Variants in TTC6 observed in about 807,000 individuals in gnomAD.
The protein encoded by TTC6 is tetratricopeptide repeat domain 6.
In TTC6, 172 loss-of-function variants were observed where a neutral mutation model predicts 210.4. That is an observed-to-expected ratio of 0.82 (90% CI 0.72 to 0.93). The LOEUF is 0.93. Ranked by LOEUF, TTC6 falls within the 40% of genes least tolerant of loss-of-function variation. The pLI, the probability that TTC6 is intolerant of heterozygous loss-of-function variation, is 0.00. For missense variants in TTC6, 2,414 were observed against 2,318.1 expected (o/e 1.04, Z -0.85); for synonymous variants, 804 against 819.6 (o/e 0.98, Z 0.32).
chr14:37,796,693 TA>T, intron 19 of TTC6, 93 bp from the exon 22 acceptor site: 1 of 1,195,964 alleles, frequency 8.4e-7, no homozygotes, highest in Non-Finnish European at 1.2e-6. Context: ...ATTCATATTA[TA>T]AAGACAAATT....
intron 3 of TTC6, among the ~76,000 whole-genome samples, chr14:37,691,221 T>G (rs990837517): frequency 2.0e-5 from 3 of 151,976 alleles, no homozygotes; most frequent in Admixed American, 2.0e-4. Flanking sequence ...TTCCAGCTAC[T>G]CGGGAGGCTG....
chr14:37,753,478 C>A (rs2139050068), intron 14 of TTC6, among the ~76,000 whole-genome samples: 1 of 152,310 alleles, frequency 6.6e-6, no homozygotes, highest in Middle Eastern at 3.4e-3. Context: ...TTATCAATTT[C>A]TAAAGCATTG....
chr14:37,614,400 G>A (rs921324534), intron 2 of TTC6, among the ~76,000 whole-genome samples: 1 of 152,060 alleles, frequency 6.6e-6, no homozygotes, highest in African/African-American at 2.4e-5. Context: ...TTTTGGTTCT[G>A]GTTGTCATAT....
At chr14:37,749,825 T>C in exon 12 of TTC6, 2 of 1,407,932 alleles carry the variant, frequency 1.4e-6, no homozygotes, top group African/African-American at 2.9e-5. Context: ...TATACATAAA[T>C]ATAATAAAAA....
chr14:37,689,521 A>C (rs2095799853), intron 3 of TTC6, among the ~76,000 whole-genome samples: 2 of 152,138 alleles, frequency 1.3e-5, no homozygotes, highest in African/African-American at 4.8e-5. Context: ...CAAGACATTT[A>C]ATAATTAAAT....
chr14:37,622,154 A>G (rs2095652105), exon 1 of TTC6: 2 of 1,535,422 alleles, frequency 1.3e-6, no homozygotes, highest in East Asian at 2.5e-5. Context: ...AGGAAACTAA[A>G]AAGGATTTTC....
intron 24 of TTC6, among the ~76,000 whole-genome samples, chr14:37,811,910 G>A (rs983327850): frequency 6.6e-6 from 1 of 152,118 alleles, no homozygotes; most frequent in Non-Finnish European, 1.5e-5. Flanking sequence ...AAATGGATAA[G>A]CTCTGGCCTC....
At chr14:37,610,923 CG>C (rs1194549541) in intron 2 of TTC6, among the ~76,000 whole-genome samples, 5 of 152,184 alleles carry the variant, frequency 3.3e-5, no homozygotes, top group African/African-American at 7.2e-5. Flanking sequence ...TTTTAAGTCT[CG>C]GGGTCCAGCA....
intron 24 of TTC6, among the ~76,000 whole-genome samples, chr14:37,809,346 G>A (rs929067098): frequency 3.4e-5 from 5 of 148,298 alleles, no homozygotes; most frequent in East Asian, 2.0e-4. Context: ...TCCGCCTCCC[G>A]GGTTCACGCC....
At chr14:37,754,018 A>G (rs2095960319) in intron 14 of TTC6, among the ~76,000 whole-genome samples, 1 of 152,184 alleles carries the variant, frequency 6.6e-6, no homozygotes, top group Middle Eastern at 3.4e-3. Flanking sequence ...TAAAATATGT[A>G]TATAATCACG....
chr14:37,828,464 T>C (rs1410696812), intron 29 of TTC6, among the ~76,000 whole-genome samples: 1 of 152,084 alleles, frequency 6.6e-6, no homozygotes, highest in Non-Finnish European at 1.5e-5. Flanking sequence ...GGCTCTGTAA[T>C]GTTTGCTTGT....
chr14:37,718,578 AAAG>A (rs1272398385), intron 6 of TTC6, among the ~76,000 whole-genome samples: 3 of 152,228 alleles, frequency 2.0e-5, no homozygotes, highest in African/African-American at 7.2e-5. Context: ...GCAGACCAGA[AAAG>A]AAGCAATACA....
intron 3 of TTC6, among the ~76,000 whole-genome samples, chr14:37,692,599 C>CT (rs2095805976): frequency 6.6e-6 from 1 of 151,998 alleles, no homozygotes; most frequent in Non-Finnish European, 1.5e-5. Flanking sequence ...TGGCTCACAC[C>CT]TGTAATCTCA....
intron 3 of TTC6, among the ~76,000 whole-genome samples, chr14:37,686,179 A>G (rs1340818081): frequency 2.0e-5 from 3 of 152,122 alleles, no homozygotes; most frequent in African/African-American, 7.2e-5. Context: ...TAGGCAAAGT[A>G]CTGAACTCTA....
At chr14:37,616,376 A>C (rs1161175098) in intron 2 of TTC6, among the ~76,000 whole-genome samples, 1 of 152,176 alleles carries the variant, frequency 6.6e-6, no homozygotes, top group African/African-American at 2.4e-5. Flanking sequence ...TTTGAAGAAA[A>C]ACCACAATAA....
chr14:37,796,523 A>C (rs990941090), intron 19 of TTC6, among the ~76,000 whole-genome samples, 153 bp downstream of exon 21: 1 of 152,078 alleles, frequency 6.6e-6, no homozygotes, highest in South Asian at 2.1e-4. Context: ...CAATTAGTAA[A>C]ATGATTCATA....
chr14:37,637,678 T>C (rs912920614), intron 1 of TTC6, among the ~76,000 whole-genome samples: 1 of 152,142 alleles, frequency 6.6e-6, no homozygotes, highest in African/African-American at 2.4e-5. Flanking sequence ...CATGAACAGA[T>C]ATTTTACAAA....
chr14:37,736,901 T>C (rs2138927027), intron 8 of TTC6, among the ~76,000 whole-genome samples: 1 of 152,172 alleles, frequency 6.6e-6, no homozygotes, highest in Non-Finnish European at 1.5e-5. Flanking sequence ...ACTACAAGTG[T>C]GCACTACTAT....
At chr14:37,840,418 G>A (rs776325074) in intron 29 of TTC6, among the ~76,000 whole-genome samples, 1 of 152,158 alleles carries the variant, frequency 6.6e-6, no homozygotes, top group Non-Finnish European at 1.5e-5. Flanking sequence ...GGTGCAAAGA[G>A]GAGCTGGTAC....
Sources: gnomAD v4.1 joint callset for allele counts (sites outside exome capture counted in the v4.1 genomes callset) on GRCh38, gnomAD v4.1.1 for gene constraint, MANE v1.5 for transcripts, NCBI Gene and HGNC (gene_info 2026-07-23, HGNC 2026-07-21) for gene names.